Variants in ZMYND8 observed in about 807,000 individuals in gnomAD.
ZMYND8 encodes the protein zinc finger MYND-type containing 8.
Under a neutral mutation model 140.8 loss-of-function variants are expected in ZMYND8, and 37 were observed. That is an observed-to-expected ratio of 0.26 (90% CI 0.20 to 0.35). The LOEUF (loss-of-function observed/expected upper bound fraction) is 0.35. ZMYND8 is among the 10% of genes least tolerant of loss of function. ZMYND8 has a pLI of 1.00. For synonymous variants in ZMYND8, 592 were observed against 597.1 expected (o/e 0.99, Z 0.12); for missense variants, 1,068 against 1,570.0 (o/e 0.68, Z 5.40).
Position 47,310,143 on chromosome 20 carries a change from G to A in ZMYND8, c.147C>T (p.Ser49=), listed in dbSNP as rs2148211282. The stretch of plus-strand genomic sequence containing the variant: ...ATGTGTCCTGCGGCGAGTGGCCATT[G>A]GAAGAATGTGGAGGGCTGGGGAACT... ...KRKFPSPPHS[S]NGHSPQDTST... is the part of the protein sequence containing the mutation. Residue 49 remains serine (S), a synonymous_variant, in exon 3 of 23, where the codon TCC becomes TCT. Coordinates refer to ENST00000471951, the MANE Select transcript of ZMYND8 (RefSeq NM_001281775.3). 4.3e-6 allele frequency: 7 copies of A among 1,613,646 alleles called. No homozygotes were observed. Among genetic ancestry groups the A allele is most frequent in the Non-Finnish European group, 5.9e-6 (7 of 1,179,940 alleles).
chr20:47,347,333 G>A lies in ZMYND8; in HGVS notation c.85+523C>T, dbSNP rs190084242. Among the ~76,000 whole-genome samples, 23 of 152,278 alleles carry A rather than the reference G, an allele frequency of 1.5e-4. No individual in the cohort carries two copies. In the East Asian group the frequency reaches 3.7e-3, roughly 24 times the overall value. On this transcript the variant is annotated intron_variant, in intron 2 of 22. Coordinates refer to ENST00000471951, the MANE Select transcript of ZMYND8 (RefSeq NM_001281775.3). The stretch of plus-strand genomic sequence containing the variant: ...GTCTACTCCAGGCTTGTGAATAAAC[G>A]CATAAATTGTGTTTGTCCTAATTTG...
At chr20:47,267,347 G>T (rs931891201) in intron 11 of ZMYND8, among the ~76,000 whole-genome samples, 1 of 152,116 alleles carries the variant, frequency 6.6e-6, no homozygotes, top group Non-Finnish European at 1.5e-5. Flanking sequence ...AGACAGAGGT[G>T]GTGGCTGCAC....
intron 19 of ZMYND8, among the ~76,000 whole-genome samples, chr20:47,221,700 T>A (rs926305870): frequency 7.9e-5 from 12 of 152,348 alleles, no homozygotes; most frequent in Non-Finnish European, 1.5e-4. Context: ...GGAGTCTCGC[T>A]CTGTCAGCCA....
At chr20:47,355,447 T>C in intron 1 of ZMYND8, 1 of 985,402 alleles carries the variant, frequency 1.0e-6, no homozygotes, top group Non-Finnish European at 1.2e-6. Context: ...TTGCTTTACT[T>C]ACCCAACAAA....
intron 2 of ZMYND8, chr20:47,320,089 A>G (rs370257312): frequency 6.6e-6 from 1 of 152,120 alleles, no homozygotes; most frequent in African/African-American, 2.4e-5. Context: ...TGGCTTCCAA[A>G]CTGCAATGGG....
At chr20:47,330,350 T>C (rs1164238515) in intron 2 of ZMYND8, among the ~76,000 whole-genome samples, 2 of 148,798 alleles carry the variant, frequency 1.3e-5, no homozygotes, top group Non-Finnish European at 3.0e-5. Flanking sequence ...CCACCATGCC[T>C]GGGTTTTTTG....
rs766218905 is a variant in ZMYND8, at chr20:47,249,442, G to GAA, written c.1622-5_1622-4dup. 1 of 1,613,852 alleles carries GAA rather than the reference G, an allele frequency of 6.2e-7. No homozygotes were observed. Among genetic ancestry groups the GAA allele is most frequent in the African/African-American group, 1.3e-5 (1 of 75,014 alleles). On this transcript the variant is annotated splice_polypyrimidine_tract_variant and splice_region_variant and intron_variant, in intron 12 of 22. Coordinates refer to ENST00000471951, the MANE Select transcript of ZMYND8 (RefSeq NM_001281775.3). Reference sequence around the variant, plus strand: ...ATCCATCTCAGCTTTGCTTCGATCTGAAAGAAACCATCACACCCTCGTAAG... The same window carrying GAA: ...ATCCATCTCAGCTTTGCTTCGATCTGAAAAAGAAACCATCACACCCTCGTAAG...
At chr20:47,352,945 C>T (rs2082915131) in intron 1 of ZMYND8, 2 of 152,214 alleles carry the variant, frequency 1.3e-5, no homozygotes, top group South Asian at 4.1e-4. Flanking sequence ...AAACATATTC[C>T]CTTTTTAAAT....
chr20:47,313,446 C>G (rs1306147585), intron 2 of ZMYND8, among the ~76,000 whole-genome samples: 1 of 151,348 alleles, frequency 6.6e-6, no homozygotes, highest in Non-Finnish European at 1.5e-5. Context: ...CATGGTGAAA[C>G]CCCGTCTCTA....
Position 47,300,930 on chromosome 20 carries a change from G to GTGTGTGTA in ZMYND8, c.235-1984_235-1983insTACACACA, listed in dbSNP as rs757554886. Among the ~76,000 whole-genome samples the GTGTGTGTA allele has an allele frequency of 3.4e-3, 480 of 141,382 alleles. 4 individuals carry two copies. The highest frequency in any genetic ancestry group is 5.1e-3 in the South Asian group (23 of 4,524). The allele number at this position is 141,382 out of a possible 152,430, so 92.8% of individuals were successfully genotyped here. A position where few individuals can be genotyped will look rare whatever the true frequency, so the allele number is the denominator to read the frequency against. On this transcript the variant is annotated intron_variant, in intron 3 of 22. Coordinates refer to ENST00000471951, the MANE Select transcript of ZMYND8 (RefSeq NM_001281775.3). ...TGTGTGTGTGTGTGTGTGTGTGTGT[G>GTGTGTGTA]TGTGTTTTGTTTTGTTTTTTTTGTA...
chr20:47,293,097 G>T (rs1484426407), intron 5 of ZMYND8, among the ~76,000 whole-genome samples: 1 of 129,554 alleles, frequency 7.7e-6, no homozygotes, highest in African/African-American at 2.9e-5. Flanking sequence ...GGGAGGGAGG[G>T]AGGGACGAGG....
rs16992467 is a variant in ZMYND8, at chr20:47,257,230, C to A, written c.1621+5058G>T. Among the ~76,000 whole-genome samples the A allele has an allele frequency of 4.6e-3, 697 of 152,146 alleles. 4 individuals are homozygous for A. Among genetic ancestry groups the A allele is most frequent in the African/African-American group, 0.016 (671 of 41,486 alleles). ...GGCAAGAACCAGGTCTCTGTACAAACCTTCCCATCTTATACCATATAGTCA... is the reference window on the plus strand; with the variant it reads ...GGCAAGAACCAGGTCTCTGTACAAAACTTCCCATCTTATACCATATAGTCA... On this transcript the variant is annotated intron_variant, in intron 12 of 22. Coordinates refer to ENST00000471951, the MANE Select transcript of ZMYND8 (RefSeq NM_001281775.3).
At chr20:47,331,073 AAC>A (rs1341411007) in intron 2 of ZMYND8, among the ~76,000 whole-genome samples, 1 of 150,892 alleles carries the variant, frequency 6.6e-6, no homozygotes, top group Non-Finnish European at 1.5e-5. Context: ...AGAGAAGTGG[AAC>A]ACAGAGAGAA....
intron 21 of ZMYND8, among the ~76,000 whole-genome samples, chr20:47,215,937 G>C (rs953181059): frequency 2.0e-5 from 3 of 152,192 alleles, no homozygotes; most frequent in South Asian, 2.1e-4. Context: ...CTTGGAGATA[G>C]ATGAGGATAT....
At chr20:47,239,693 C>T (rs2039704840) in intron 14 of ZMYND8, among the ~76,000 whole-genome samples, 1 of 152,206 alleles carries the variant, frequency 6.6e-6, no homozygotes, top group South Asian at 2.1e-4. Context: ...TGATTCCCTC[C>T]AGGACAAAGT....
intron 11 of ZMYND8, among the ~76,000 whole-genome samples, chr20:47,267,881 T>TC (rs1220178599): frequency 2.0e-5 from 3 of 152,144 alleles, no homozygotes; most frequent in Non-Finnish European, 4.4e-5. Flanking sequence ...TCACACTGGC[T>TC]CGAATTCCTC....
chr20:47,236,233 G>T, intron 16 of ZMYND8, 93 bp downstream of exon 16: 2 of 1,498,054 alleles, frequency 1.3e-6, no homozygotes, highest in Non-Finnish European at 1.8e-6. Context: ...AAGACTGCAA[G>T]GTTAAGACGC....
At chr20:47,321,051 AC>A (rs774956502) in intron 2 of ZMYND8, among the ~76,000 whole-genome samples, 38 of 152,338 alleles carry the variant, frequency 2.5e-4, no homozygotes, top group South Asian at 6.2e-4. Context: ...ATGGAGGAAC[AC>A]CCAGGAAACC....
chr20:47,258,262 A>C (rs2074903223), intron 12 of ZMYND8, among the ~76,000 whole-genome samples: 1 of 152,258 alleles, frequency 6.6e-6, no homozygotes, highest in Non-Finnish European at 1.5e-5. Flanking sequence ...GCTTTGCAGC[A>C]GACAGGCCTG....
Sources: gnomAD v4.1 joint callset for allele counts (sites outside exome capture counted in the v4.1 genomes callset) on GRCh38, gnomAD v4.1.1 for gene constraint, MANE v1.5 for transcripts, NCBI Gene and HGNC (gene_info 2026-07-23, HGNC 2026-07-21) for gene names.